Variants in ZDHHC17 observed in about 807,000 individuals in gnomAD.
ZDHHC17 encodes the protein palmitoyltransferase ZDHHC17.
In ZDHHC17, 40 loss-of-function variants were observed where a neutral mutation model predicts 90.3. The ratio of observed to expected loss-of-function variants is 0.44; its 90% confidence interval spans 0.34 to 0.58. The LOEUF (loss-of-function observed/expected upper bound fraction) is 0.58. Ranked by LOEUF, ZDHHC17 falls within the 20% of genes least tolerant of loss-of-function variation. The pLI is 0.01. For synonymous variants in ZDHHC17, 235 were observed against 252.4 expected, an observed-to-expected ratio of 0.93 and a Z score of 0.65; for missense variants, 614 against 780.8, an observed-to-expected ratio of 0.79 and a Z score of 2.55.
chr12:76,799,816 T>G (rs1190004360), intron 2 of ZDHHC17, among the ~76,000 whole-genome samples: 2 of 148,832 alleles, frequency 1.3e-5, no homozygotes, highest in Non-Finnish European at 3.0e-5. Context: ...ACAGGTTGAG[T>G]CCCTTATTCA....
rs556441933 is a variant in ZDHHC17, at chr12:76,811,971, A to C, written c.543+2114A>C. Among the ~76,000 whole-genome samples, 12 of 152,288 alleles carry C rather than the reference A, an allele frequency of 7.9e-5. No individual in the cohort carries two copies. The South Asian group carries it at 2.5e-3, about 32-fold the overall frequency. Reference sequence around the variant, plus strand: ...ACAAAATTATTTAAAATATTGAATAAAATTGCCTTCAGGCTGTATGTATAA... The same window carrying C: ...ACAAAATTATTTAAAATATTGAATACAATTGCCTTCAGGCTGTATGTATAA... On this transcript the variant is annotated intron_variant, in intron 5 of 16. Transcript: ENST00000426126.
intron 1 of ZDHHC17, among the ~76,000 whole-genome samples, chr12:76,769,803 G>A (rs1216317692): frequency 6.6e-6 from 1 of 152,170 alleles, no homozygotes; most frequent in African/African-American, 2.4e-5. Context: ...ATTAATTGGT[G>A]AGACTTCATG....
intron 1 of ZDHHC17, among the ~76,000 whole-genome samples, chr12:76,792,426 G>A (rs1952769296): frequency 6.6e-6 from 1 of 152,136 alleles, no homozygotes; most frequent in African/African-American, 2.4e-5. Context: ...AAATAAACAT[G>A]TATTATGGCA....
At chr12:76,807,797 A>C (rs997882839) in intron 3 of ZDHHC17, among the ~76,000 whole-genome samples, 1 of 152,208 alleles carries the variant, frequency 6.6e-6, no homozygotes, top group African/African-American at 2.4e-5. Flanking sequence ...AAATTGCTTT[A>C]GAAAAATTCT....
chr12:76,823,797 C>A (rs1181786074), intron 8 of ZDHHC17, among the ~76,000 whole-genome samples: 1 of 152,160 alleles, frequency 6.6e-6, no homozygotes, highest in East Asian at 1.9e-4. Context: ...GAATTAGATT[C>A]ATAGTTTATA....
At chr12:76,825,120 A>G (rs1953214681) in intron 8 of ZDHHC17, among the ~76,000 whole-genome samples, 1 of 152,146 alleles carries the variant, frequency 6.6e-6, no homozygotes, top group African/African-American at 2.4e-5. Flanking sequence ...TAGTGGAAAT[A>G]TTCTGTAGCT....
chr12:76,781,715 C>T (rs949750771), intron 1 of ZDHHC17: 3 of 455,366 alleles, frequency 6.6e-6, no homozygotes, highest in African/African-American at 4.0e-5. Context: ...TTATAAATTA[C>T]CCAGTCACTA....
At position 76,842,065 on chromosome 12, in the gene ZDHHC17, G is replaced by A. The variant is rs1482391517; in HGVS notation, c.1225G>A (p.Asp409Asn). The change falls in exon 11 of 17, where the codon GAT becomes AAT. Residue 409 changes from aspartate to asparagine, a missense_variant. Physicochemically the swap from Asp to Asn is conservative, Grantham distance 23. This residue lies in a region of ZDHHC17 where 117 missense variants were observed against 183.6 expected (regional missense o/e 0.64). Coordinates refer to ENST00000426126, the MANE Select transcript of ZDHHC17 (RefSeq NM_015336.4). ...FYNFGKSWKS[D>N]PGIIKATEEQ... ...CAATTTTGGAAAATCTTGGAAATCA[G>A]ATCCAGGGATTATTAAAGCAACAGA... The A allele has an allele frequency of 6.3e-7, 1 of 1,599,444 alleles. No individual in the cohort carries two copies. The highest frequency in any genetic ancestry group is 8.5e-7 in the Non-Finnish European group (1 of 1,173,768).
intron 1 of ZDHHC17, among the ~76,000 whole-genome samples, chr12:76,796,552 G>A (rs1191252319): frequency 6.6e-6 from 1 of 151,822 alleles, no homozygotes; most frequent in Admixed American, 6.6e-5. Context: ...CTTTTTAAAA[G>A]GATATTAACA....
At chr12:76,798,541 T>C (rs937886970) in intron 2 of ZDHHC17, among the ~76,000 whole-genome samples, 1 of 149,126 alleles carries the variant, frequency 6.7e-6, no homozygotes, top group Admixed American at 6.7e-5. Flanking sequence ...TGAGACCCTG[T>C]CTCTGCAAAA....
intron 7 of ZDHHC17, chr12:76,820,993 A>T (rs1953157545): frequency 1.0e-6 from 1 of 984,954 alleles, no homozygotes; most frequent in African/African-American, 1.7e-5. Flanking sequence ...ACTATACAAA[A>T]ATAGTTAGAT....
intron 3 of ZDHHC17, among the ~76,000 whole-genome samples, chr12:76,807,673 G>A (rs1952970752): frequency 6.6e-6 from 1 of 152,124 alleles, no homozygotes; most frequent in African/African-American, 2.4e-5. Context: ...AAAAAGTTGT[G>A]CTTTAGAATC....
At chr12:76,815,081 C>A in intron 5 of ZDHHC17, 65 bp from the exon 6 acceptor site, 1 of 1,189,588 alleles carries the variant, frequency 8.4e-7, no homozygotes, top group Non-Finnish European at 1.2e-6. Context: ...TTAGATTTTT[C>A]CAAGCAAATT....
chr12:76,798,664 C>T (rs1271341232), intron 2 of ZDHHC17, among the ~76,000 whole-genome samples: 4 of 152,170 alleles, frequency 2.6e-5, no homozygotes, highest in Non-Finnish European at 1.5e-5. Context: ...GCTTATGATT[C>T]TGCAGGCTGT....
Position 76,826,990 on chromosome 12 carries a change from C to G in ZDHHC17, c.980C>G (p.Ser327Cys). ...TTTATAGCAGACCTAAATATTGATTCTTGGCTCATTAAAGGGCTAATGTAT... is the reference window on the plus strand; with the variant it reads ...TTTATAGCAGACCTAAATATTGATTGTTGGCTCATTAAAGGGCTAATGTAT... ...VGFIADLNID[S>C]WLIKGLMYGG... Residue 327 changes from serine (S) to cysteine (C), a missense_variant, in exon 9 of 17, where the codon TCT (serine) becomes TGT (cysteine). Physicochemically the swap from Ser to Cys is moderately radical, Grantham distance 112. Around this residue, in one of 5 missense-constraint regions of ZDHHC17, gnomAD observed 117 missense variants for 183.6 expected, o/e 0.64. Coordinates refer to ENST00000426126, the MANE Select transcript of ZDHHC17 (RefSeq NM_015336.4). 1 of 1,561,246 alleles carries G rather than the reference C, an allele frequency of 6.4e-7. No individual in the cohort carries two copies. Among genetic ancestry groups the G allele is most frequent in the Non-Finnish European group, 8.6e-7 (1 of 1,162,018 alleles).
intron 1 of ZDHHC17, among the ~76,000 whole-genome samples, chr12:76,792,020 C>T (rs551981106): frequency 2.1e-4 from 32 of 152,218 alleles, no homozygotes; most frequent in African/African-American, 6.7e-4. Flanking sequence ...TCCAGAAACT[C>T]GTCAAATGTT....
intron 13 of ZDHHC17, 128 bp from the exon 14 acceptor site, chr12:76,846,468 T>G (rs1046429299): frequency 1.6e-6 from 1 of 640,394 alleles, no homozygotes; most frequent in Non-Finnish European, 2.7e-6. Context: ...AACCACTTTA[T>G]AAAATAATGA....
chr12:76,825,940 G>A (rs945372286), intron 8 of ZDHHC17, among the ~76,000 whole-genome samples: 2 of 151,942 alleles, frequency 1.3e-5, no homozygotes, highest in Admixed American at 6.6e-5. Flanking sequence ...TCAGGCTCCC[G>A]AGTAGCTGGG....
intron 5 of ZDHHC17, among the ~76,000 whole-genome samples, chr12:76,812,832 A>C (rs1953042042): frequency 6.6e-6 from 1 of 152,088 alleles, no homozygotes; most frequent in Non-Finnish European, 1.5e-5. Context: ...TTTAGTGCTC[A>C]CTACCAATTC....
Sources: gnomAD v4.1 joint callset for allele counts (sites outside exome capture counted in the v4.1 genomes callset) on GRCh38, gnomAD v4.1.1 for gene constraint, gnomAD v4.1.1 regional missense constraint, MANE v1.5 for transcripts, NCBI Gene and HGNC (gene_info 2026-07-23, HGNC 2026-07-21) for gene names.